The following CEP128 variants were observed in gnomAD, a reference collection of about 807,000 sequenced individuals.
CEP128 encodes centrosomal protein 128, also known as centrosomal protein 128kDa.
CEP128 carries 132 observed loss-of-function variants against 156.7 expected under a neutral mutation model. That is an observed-to-expected ratio of 0.84 (90% CI 0.73 to 0.97). The LOEUF (loss-of-function observed/expected upper bound fraction) is 0.97. CEP128 is among the 50% of genes least tolerant of loss of function. CEP128 has a pLI of 0.00. For missense variants in CEP128, 1,252 were observed against 1,281.9 expected (o/e 0.98, Z 0.36); for synonymous variants, 469 against 448.9 (o/e 1.04, Z -0.57).
At position 80,656,279 on chromosome 14, in the gene CEP128, TTATATATATATTTA is replaced by T. The variant is rs1191232639; in HGVS notation, c.2807-75870_2807-75857del. On this transcript the variant is annotated intron_variant, in intron 19 of 24. Transcript: ENST00000555265. ...TTTCTCAATAAACCTAAGTTTTTAT[TTATATATATATTTA>T]TATATATATATATATATATATATAT... Among the ~76,000 whole-genome samples the T allele has an allele frequency of 1.9e-3, 89 of 47,094 alleles. 10 individuals carry two copies. Among genetic ancestry groups the T allele is most frequent in the African/African-American group, 6.8e-3 (85 of 12,432 alleles). The allele number at this position is 47,094 out of a possible 152,430, so 30.9% of individuals were successfully genotyped here. A position where few individuals can be genotyped will look rare whatever the true frequency, so the allele number is the denominator to read the frequency against.
At position 80,647,011 on chromosome 14, in the gene CEP128, A is replaced by ATATATGTGTG. The variant is rs1233103116; in HGVS notation, c.2807-66589_2807-66588insCACACATATA. 2.8e-5 allele frequency among the ~76,000 whole-genome samples: 2 copies of ATATATGTGTG among 72,526 alleles called. 1 individual carries two copies. The highest frequency in any genetic ancestry group is 6.5e-5 in the Non-Finnish European group (2 of 30,898). 47.6% of individuals were successfully genotyped at this position (72,526 alleles called of 152,430 possible). The stretch of plus-strand genomic sequence containing the variant: ...TTATAAGAAATATATATATATATAT[A>ATATATGTGTG]TGTGTGTGTATATATATGTGTGCAT... On this transcript the variant is annotated intron_variant, in intron 19 of 24. Transcript: ENST00000555265.
At chr14:80,881,477 G>C (rs879477782) in intron 8 of CEP128, among the ~76,000 whole-genome samples, 2 of 148,372 alleles carry the variant, frequency 1.3e-5, no homozygotes, top group African/African-American at 5.0e-5. Flanking sequence ...CTTCATTATT[G>C]AATTCTAGCA....
intron 23 of CEP128, chr14:80,514,762 T>A (rs1335796930): frequency 3.6e-6 from 1 of 276,978 alleles, no homozygotes; most frequent in Non-Finnish European, 7.6e-6. Flanking sequence ...TTTTCATGGA[T>A]GGTTCTGATG....
At position 80,790,877 on chromosome 14, in the gene CEP128, C is replaced by T. The variant is rs78834267; in HGVS notation, c.1560+1883G>A. On this transcript the variant is annotated intron_variant, in intron 14 of 24. Coordinates refer to ENST00000555265, the MANE Select transcript of CEP128 (RefSeq NM_152446.5). Reference sequence around the variant, plus strand: ...AGCATCATATGATCATATAAAATGACTCAGTAAGGCTACTTATTAAGTAAT... The same window carrying T: ...AGCATCATATGATCATATAAAATGATTCAGTAAGGCTACTTATTAAGTAAT... 6.0e-3 allele frequency among the ~76,000 whole-genome samples: 914 copies of T among 152,072 alleles called. 9 individuals carry two copies. Among genetic ancestry groups the T allele is most frequent in the African/African-American group, 0.021 (860 of 41,498 alleles).
chr14:80,484,833 T>C lies in CEP128; in HGVS notation c.*311-6426A>G, dbSNP rs551379822. ...AGGTATTGAACATTTAGCCTGAACA[T>C]CTACTGGCATGAATATTGCACGGGA... On this transcript the variant is annotated intron_variant and NMD_transcript_variant, in intron 14 of 14. Coordinates refer to the CEP128 transcript ENST00000554502. Among the ~76,000 whole-genome samples the C allele has an allele frequency of 9.8e-4, 148 of 151,768 alleles. 2 individuals carry two copies. Among genetic ancestry groups the C allele is most frequent in the African/African-American group, 3.3e-3 (135 of 41,040 alleles).
Position 80,653,874 on chromosome 14 carries a change from A to C in CEP128, c.2807-73451T>G, listed in dbSNP as rs1217370207. Among the ~76,000 whole-genome samples, 7 of 152,166 alleles carry C rather than the reference A, an allele frequency of 4.6e-5. No homozygotes were observed. The East Asian group carries it at 1.2e-3, about 25-fold the overall frequency. ...CATTTTGTAATGAAACAGAACAGTG[A>C]ATATAGTACTAAAAGATTATATCCT... On this transcript the variant is annotated intron_variant, in intron 19 of 24. Transcript: ENST00000555265.
chr14:80,795,874 A>T (rs1182837517), intron 13 of CEP128, among the ~76,000 whole-genome samples: 1 of 152,170 alleles, frequency 6.6e-6, no homozygotes, highest in African/African-American at 2.4e-5. Flanking sequence ...TCTTCCTTAG[A>T]CAAATAGCCT....
At chr14:80,789,859 A>G (rs1400510099) in intron 14 of CEP128, among the ~76,000 whole-genome samples, 3 of 151,690 alleles carry the variant, frequency 2.0e-5, no homozygotes, top group Non-Finnish European at 4.4e-5. Flanking sequence ...GGGCTTGCTC[A>G]ATGTTTTTTT....
At chr14:80,671,456 G>T (rs1192792805) in intron 19 of CEP128, among the ~76,000 whole-genome samples, 1 of 152,094 alleles carries the variant, frequency 6.6e-6, no homozygotes, top group Non-Finnish European at 1.5e-5. Context: ...TCACAAGACA[G>T]ACATCTAGGG....
At position 80,497,541 on chromosome 14, in the gene CEP128, T is replaced by G. The variant is rs144263413; in HGVS notation, c.3223A>C (p.Lys1075Gln). ...GTTCCATTCATTGTGGCATCTTCCTTGTTTGAAGCTGAATCTGGAGCAACA... is the reference window on the plus strand; with the variant it reads ...GTTCCATTCATTGTGGCATCTTCCTGGTTTGAAGCTGAATCTGGAGCAACA... ...RTVAPDSASN[K>Q]EDATMNGTSS... Residue 1075 changes from lysine (K) to glutamine (Q), a missense_variant, in exon 25 of 25, where the codon AAG (lysine) becomes CAG (glutamine). Lys to Gln is a moderately conservative substitution (Grantham distance 53). Transcript: ENST00000555265. The G allele has an allele frequency of 1.9e-5, 30 of 1,613,506 alleles. No homozygotes were observed. Among genetic ancestry groups the G allele is most frequent in the Non-Finnish European group, 2.3e-5 (27 of 1,179,724 alleles).
rs766244322 is a variant in CEP128 at position 80,785,150 on chromosome 14, A to G, written c.1956T>C (p.Ala652=). The part of the protein sequence containing the change: ...AIRADLANKL[A]EEERAKKAVL... ...CTGCTTTCTTGGCTCTCTCTTCCTCAGCCAATTTATTAGCAAGATCTGCTC... is the reference window on the plus strand; with the variant it reads ...CTGCTTTCTTGGCTCTCTCTTCCTCGGCCAATTTATTAGCAAGATCTGCTC... Residue 652 remains alanine (A), a synonymous_variant, in exon 15 of 25, where the codon GCT becomes GCC. Transcript: ENST00000555265. 2 of 1,614,146 alleles carry G rather than the reference A, an allele frequency of 1.2e-6. No homozygotes were observed. The highest frequency in any genetic ancestry group is 1.7e-5 in the Admixed American group (1 of 60,018).
chr14:80,825,152 C>T (rs927391289), intron 13 of CEP128, among the ~76,000 whole-genome samples: 1 of 152,192 alleles, frequency 6.6e-6, no homozygotes, highest in Non-Finnish European at 1.5e-5. Flanking sequence ...TCAATAATTA[C>T]CTCCAACCGG....
At chr14:80,541,837 C>A (rs1269072967) in intron 21 of CEP128, among the ~76,000 whole-genome samples, 1 of 152,180 alleles carries the variant, frequency 6.6e-6, no homozygotes, top group Non-Finnish European at 1.5e-5. Context: ...TCAATACCTC[C>A]TGTAACATGA....
chr14:80,891,585 CAAA>C (rs34380899), intron 8 of CEP128, among the ~76,000 whole-genome samples: 14 of 97,106 alleles, frequency 1.4e-4, no homozygotes, highest in Admixed American at 2.1e-4. Flanking sequence ...TTACTAGGTG[CAAA>C]AAAAAAAAAA....
chr14:80,723,899 T>C (rs1897915000), intron 19 of CEP128, among the ~76,000 whole-genome samples: 1 of 152,210 alleles, frequency 6.6e-6, no homozygotes, highest in Non-Finnish European at 1.5e-5. Flanking sequence ...TTACACAGTG[T>C]CCTGGGAAGT....
intron 13 of CEP128, among the ~76,000 whole-genome samples, chr14:80,825,577 C>CA (rs1180523155): frequency 2.6e-5 from 4 of 152,026 alleles, no homozygotes; most frequent in African/African-American, 9.7e-5. Context: ...GTAATAAATA[C>CA]AAACTAATTA....
intron 13 of CEP128, among the ~76,000 whole-genome samples, chr14:80,811,848 G>GATAGATAGATAGATAGATAGATAGATA (rs1555350886): frequency 5.3e-5 from 1 of 18,814 alleles, no homozygotes; most frequent in Admixed American, 4.2e-4. Flanking sequence ...ATAGATAGAT[G>GATAGATAGATAGATAGATAGATAGATA]ATAACAGTCC....
intron 19 of CEP128, among the ~76,000 whole-genome samples, chr14:80,616,631 C>T (rs900844838): frequency 9.2e-5 from 14 of 152,140 alleles, no homozygotes; most frequent in African/African-American, 2.9e-4. Flanking sequence ...AGAAGGGTCA[C>T]GGAATATGTC....
chr14:80,661,199 T>TCC (rs146756305), intron 19 of CEP128, among the ~76,000 whole-genome samples: 15 of 151,856 alleles, frequency 9.9e-5, no homozygotes, highest in African/African-American at 3.1e-4. Flanking sequence ...TAAAACGTGC[T>TCC]CCCCCCCACA....
Sources: gnomAD v4.1 joint callset for allele counts (sites outside exome capture counted in the v4.1 genomes callset) on GRCh38, gnomAD v4.1.1 for gene constraint, MANE v1.5 for transcripts, NCBI Gene and HGNC (gene_info 2026-07-23, HGNC 2026-07-21) for gene names.